The following TMEM135 variants were observed in gnomAD, a reference collection of about 807,000 sequenced individuals.
TMEM135 encodes peroxisomal membrane protein 52.
TMEM135 carries 30 observed loss-of-function variants against 60.3 expected under a neutral mutation model. The ratio of observed to expected loss-of-function variants is 0.50; its 90% CI spans 0.37 to 0.68. The LOEUF is 0.68. Ranked by LOEUF, TMEM135 falls within the 30% of genes least tolerant of loss-of-function variation. The pLI, the probability that TMEM135 is intolerant of heterozygous loss-of-function variation, is 0.00. For synonymous variants in TMEM135, 190 were observed against 186.7 expected, an observed-to-expected ratio of 1.02 and a Z score of -0.14; for missense variants, 468 against 548.8, an observed-to-expected ratio of 0.85 and a Z score of 1.47.
intron 4 of TMEM135, among the ~76,000 whole-genome samples, chr11:87,147,897 A>G (rs1029365736): frequency 6.6e-6 from 1 of 152,166 alleles, no homozygotes; most frequent in African/African-American, 2.4e-5. Context: ...AGCCAGGACT[A>G]CAGGCACGCA....
At chr11:87,278,582 C>T (rs1219514835) in intron 6 of TMEM135, among the ~76,000 whole-genome samples, 1 of 152,036 alleles carries the variant, frequency 6.6e-6, no homozygotes, top group Admixed American at 6.6e-5. Flanking sequence ...CCACATTGCC[C>T]AGGCTGGTCT....
At chr11:87,292,939 G>T (rs756452036) in intron 6 of TMEM135, among the ~76,000 whole-genome samples, 8 of 152,154 alleles carry the variant, frequency 5.3e-5, no homozygotes, top group African/African-American at 9.7e-5. Context: ...TCACAAATAT[G>T]CAATTCTGAC....
At chr11:87,109,095 T>C (rs1343128831) in intron 4 of TMEM135, among the ~76,000 whole-genome samples, 2 of 151,988 alleles carry the variant, frequency 1.3e-5, no homozygotes, top group Admixed American at 1.3e-4. Flanking sequence ...CAAGGAAACT[T>C]TGGAGGTGAT....
chr11:87,276,738 G>A (rs1941974949), intron 6 of TMEM135, among the ~76,000 whole-genome samples: 1 of 133,692 alleles, frequency 7.5e-6, no homozygotes, highest in South Asian at 2.3e-4. Flanking sequence ...GCGTGATCTC[G>A]ACTCACTGCA....
At position 87,110,177 on chromosome 11, in the gene TMEM135, C is replaced by T. The variant is rs913680029; in HGVS notation, c.396+18782C>T. The stretch of plus-strand genomic sequence containing the variant: ...ATTCCTCAAGGAGAGGGCAGTTCTC[C>T]GTGGTATTATTTTTGGTCTGTATAC... On this transcript the variant is annotated intron_variant, in intron 4 of 14. Transcript: ENST00000305494. Among the ~76,000 whole-genome samples, 39 of 151,996 alleles carry T rather than the reference C, an allele frequency of 2.6e-4. 1 individual carries two copies. The highest frequency in any genetic ancestry group is 7.7e-4 in the African/African-American group (32 of 41,378).
rs190929733 is a variant in TMEM135, at chr11:87,064,775, T to C, written c.142-2919T>C. ...GGCCGGCGCCTGTAATCCCTGCTACTTGGGAGATTGAGGCAGGGAGAATTG... is the reference window on the plus strand; with the variant it reads ...GGCCGGCGCCTGTAATCCCTGCTACCTGGGAGATTGAGGCAGGGAGAATTG... On this transcript the variant is annotated intron_variant, in intron 1 of 14. Coordinates refer to ENST00000305494, the MANE Select transcript of TMEM135 (RefSeq NM_022918.4). Among the ~76,000 whole-genome samples, 373 of 152,254 alleles carry C rather than the reference T, an allele frequency of 2.4e-3. 7 individuals carry two copies. The South Asian group carries it at 0.033, about 14-fold the overall frequency.
chr11:87,140,243 A>G (rs1938226371), intron 4 of TMEM135, among the ~76,000 whole-genome samples: 1 of 151,272 alleles, frequency 6.6e-6, no homozygotes, highest in South Asian at 2.1e-4. Context: ...AATTTTTTGT[A>G]TTTTTAGTAG....
intron 5 of TMEM135, among the ~76,000 whole-genome samples, chr11:87,226,851 C>G (rs1305021077): frequency 6.6e-6 from 1 of 152,156 alleles, no homozygotes; most frequent in East Asian, 1.9e-4. Context: ...TTGAGACCAG[C>G]CTGCCTGGCC....
chr11:87,209,999 A>T (rs1036093521), intron 5 of TMEM135, among the ~76,000 whole-genome samples: 1 of 152,212 alleles, frequency 6.6e-6, no homozygotes, highest in Non-Finnish European at 1.5e-5. Flanking sequence ...ACAATATACC[A>T]GAATCTTTGG....
intron 3 of TMEM135, among the ~76,000 whole-genome samples, chr11:87,085,483 G>T (rs1359819896): frequency 6.6e-6 from 1 of 152,202 alleles, no homozygotes; most frequent in Admixed American, 6.5e-5. Context: ...AGGGCCAGGT[G>T]CGGTGGCTCA....
intron 9 of TMEM135, 105 bp downstream of exon 9, chr11:87,306,110 T>G (rs1942538627): frequency 1.5e-6 from 1 of 647,748 alleles, no homozygotes; most frequent in Non-Finnish European, 2.4e-6. Flanking sequence ...TTGACATTAA[T>G]AAATGCTATC....
At chr11:87,317,822 A>G (rs1470029822) in intron 12 of TMEM135, among the ~76,000 whole-genome samples, 2 of 152,182 alleles carry the variant, frequency 1.3e-5, no homozygotes, top group African/African-American at 4.8e-5. Flanking sequence ...TAAAGGATGA[A>G]CAGATCTATC....
At chr11:87,190,215 A>T (rs1264382606) in intron 5 of TMEM135, among the ~76,000 whole-genome samples, 1 of 152,156 alleles carries the variant, frequency 6.6e-6, no homozygotes, top group Non-Finnish European at 1.5e-5. Context: ...TCCCTGATAA[A>T]CATAATCAGC....
intron 12 of TMEM135, among the ~76,000 whole-genome samples, chr11:87,317,092 A>C (rs1427669005): frequency 2.0e-5 from 3 of 152,074 alleles, no homozygotes; most frequent in Non-Finnish European, 2.9e-5. Flanking sequence ...GTATTTATTT[A>C]GTATATATTA....
chr11:87,309,286 T>C (rs1942602273), intron 9 of TMEM135, among the ~76,000 whole-genome samples: 1 of 152,230 alleles, frequency 6.6e-6, no homozygotes, highest in Admixed American at 6.5e-5. Flanking sequence ...TAAGTCTTTG[T>C]AAATCAAAGA....
In TMEM135 at chr11:87,132,504, A is replaced by G. The variant is rs530968324; in HGVS notation, c.397-24837A>G. ...ATTGTCACTATTGATTATAATGTAC[A>G]TGATATTGGATTCATTGTAGTATAA... On this transcript the variant is annotated intron_variant, in intron 4 of 14. Transcript: ENST00000305494. 6.1e-4 allele frequency among the ~76,000 whole-genome samples: 93 copies of G among 152,300 alleles called. 1 individual carries two copies. The highest frequency in any genetic ancestry group is 1.1e-3 in the Non-Finnish European group (77 of 68,022).
chr11:87,147,966 C>T (rs1591055839), intron 4 of TMEM135, among the ~76,000 whole-genome samples: 1 of 152,134 alleles, frequency 6.6e-6, no homozygotes, highest in South Asian at 2.1e-4. Context: ...CTATGTTGGC[C>T]AGGCTGCTCT....
chr11:87,088,419 C>T (rs964347286), intron 3 of TMEM135, among the ~76,000 whole-genome samples: 12 of 152,080 alleles, frequency 7.9e-5, no homozygotes, highest in African/African-American at 2.9e-4. Flanking sequence ...CACAAAGTTT[C>T]CAAATTCTGA....
chr11:87,297,799 A>G (rs1441457031), intron 7 of TMEM135, among the ~76,000 whole-genome samples: 2 of 152,198 alleles, frequency 1.3e-5, no homozygotes, highest in African/African-American at 4.8e-5. Flanking sequence ...GTGAATGGTC[A>G]TGTTTATTTG....
Sources: gnomAD v4.1 joint callset for allele counts (sites outside exome capture counted in the v4.1 genomes callset) on GRCh38, gnomAD v4.1.1 for gene constraint, MANE v1.5 for transcripts, NCBI Gene and HGNC (gene_info 2026-07-23, HGNC 2026-07-21) for gene names.